The following PHACTR2 variants were observed in gnomAD, a reference collection of about 807,000 sequenced individuals.
PHACTR2 encodes the protein phosphatase and actin regulator 2.
PHACTR2 carries 30 observed loss-of-function variants against 76.0 expected under a neutral mutation model. The ratio of observed to expected loss-of-function variants is 0.39; its 90% CI spans 0.30 to 0.54. The LOEUF (loss-of-function observed/expected upper bound fraction) is 0.54, where lower values mean the gene tolerates loss of function less well. Ranked by LOEUF, PHACTR2 falls within the 20% of genes least tolerant of loss-of-function variation. The pLI, the probability that PHACTR2 is intolerant of heterozygous loss-of-function variation, is 0.61. For missense variants in PHACTR2, 696 were observed against 781.1 expected, an observed-to-expected ratio of 0.89 and a Z score of 1.30; for synonymous variants, 292 against 292.5, an observed-to-expected ratio of 1.00 and a Z score of 0.02.
At chr6:143,670,091 C>T (rs913720211) in intron 1 of PHACTR2, among the ~76,000 whole-genome samples, 2 of 152,090 alleles carry the variant, frequency 1.3e-5, no homozygotes, top group African/African-American at 2.4e-5. Flanking sequence ...GATTTTATTT[C>T]TCCTTTGCTT....
Position 143,757,490 on chromosome 6 carries a change from A to T in PHACTR2, c.455-2911A>T, listed in dbSNP as rs1033260983. On this transcript the variant is annotated intron_variant, in intron 4 of 12. Coordinates refer to ENST00000440869, the MANE Select transcript of PHACTR2 (RefSeq NM_001100164.2). This position sits in a 1 kb window ranked among gnomAD's most constrained non-coding sequence, Gnocchi z 4.2. ...GCATTCTAGGCAGGGTGAGGACCAC[A>T]TGCAGCCCCAGGCTTGTTCTAAGTA... 8.5e-5 allele frequency among the ~76,000 whole-genome samples: 13 copies of T among 152,308 alleles called. No individual in the cohort carries two copies. Among genetic ancestry groups the T allele is most frequent in the East Asian group, 3.9e-4 (2 of 5,174 alleles).
rs1401352134 is a variant in PHACTR2, at chr6:143,795,597, C to G, written c.1845+6687C>G. Among the ~76,000 whole-genome samples the G allele has an allele frequency of 6.6e-6, 1 of 152,120 alleles. No homozygotes were observed. On this transcript the variant is annotated intron_variant, in intron 11 of 12. Coordinates refer to ENST00000440869, the MANE Select transcript of PHACTR2 (RefSeq NM_001100164.2). This position sits in a 1 kb window ranked among gnomAD's most constrained non-coding sequence, Gnocchi z 4.8. Reference sequence around the variant, plus strand: ...GAAGGCCATTGAATTGGCCTGAAGACCTAGGCTTGCCTGCCAGTAACCATC... The same window carrying G: ...GAAGGCCATTGAATTGGCCTGAAGAGCTAGGCTTGCCTGCCAGTAACCATC...
rs898120064 is a variant in PHACTR2 at position 143,794,548 on chromosome 6, C to A, written c.1845+5638C>A. On this transcript the variant is annotated intron_variant, in intron 11 of 12. Transcript: ENST00000440869. This position sits in a 1 kb window ranked among gnomAD's most constrained non-coding sequence, Gnocchi z 4.1. ...GTGGCTCATGCCTGTAATCCAAGTG[C>A]TTTGAGAGGGTGAGTTGGGTGGATC... Among the ~76,000 whole-genome samples, 2 of 152,090 alleles carry A rather than the reference C, an allele frequency of 1.3e-5. No individual in the cohort carries two copies. The highest frequency in any genetic ancestry group is 4.8e-5 in the African/African-American group (2 of 41,406).
intron 1 of PHACTR2, among the ~76,000 whole-genome samples, chr6:143,631,513 T>G (rs1344896213): frequency 6.6e-6 from 1 of 152,174 alleles, no homozygotes; most frequent in Non-Finnish European, 1.5e-5. Flanking sequence ...TTTTTTAGCC[T>G]GCTTCCTGGC....
rs972231322 is a variant in PHACTR2, at chr6:143,624,001, C to G, written c.13+15679C>G. On this transcript the variant is annotated intron_variant, in intron 1 of 11. Coordinates refer to the PHACTR2 transcript ENST00000305766. This position sits in a 1 kb window ranked among gnomAD's most constrained non-coding sequence, Gnocchi z 4.6. ...GGGGTGAGTGATATGAAGACCCTGCCTCCCCACCCACTCCCCACCCTGCCC... is the reference window on the plus strand; with the variant it reads ...GGGGTGAGTGATATGAAGACCCTGCGTCCCCACCCACTCCCCACCCTGCCC... Among the ~76,000 whole-genome samples the G allele has an allele frequency of 6.6e-6, 1 of 152,156 alleles. No individual in the cohort carries two copies. The highest frequency in any genetic ancestry group is 1.5e-5 in the Non-Finnish European group (1 of 68,018).
chr6:143,692,570 C>T (rs1777670779), intron 1 of PHACTR2, among the ~76,000 whole-genome samples: 1 of 152,164 alleles, frequency 6.6e-6, no homozygotes, highest in Non-Finnish European at 1.5e-5. Flanking sequence ...GAACTGTACA[C>T]TTTTAAAAAA....
At position 143,671,229 on chromosome 6, in the gene PHACTR2, C is replaced by T. The variant is rs980998326; in HGVS notation, c.14-40787C>T. ...TACAGGTCTGAACCACTGCACCTGG[C>T]CCAAAGTCTTTATAGTTAACTGCAA... On this transcript the variant is annotated intron_variant, in intron 1 of 11. Transcript: ENST00000305766. This position sits in a 1 kb window ranked among gnomAD's most constrained non-coding sequence, Gnocchi z 4.6. Among the ~76,000 whole-genome samples the T allele has an allele frequency of 5.9e-5, 9 of 151,784 alleles. No individual in the cohort carries two copies. The highest frequency in any genetic ancestry group is 2.0e-4 in the Admixed American group (3 of 15,276).
rs1295707144 is a variant in PHACTR2, at chr6:143,787,606, C to T, written c.1708-1167C>T. On this transcript the variant is annotated intron_variant, in intron 10 of 12. Coordinates refer to ENST00000440869, the MANE Select transcript of PHACTR2 (RefSeq NM_001100164.2). The surrounding 1 kb of genome is among the most constrained non-coding windows in gnomAD (Gnocchi z 4.6). Reference sequence around the variant, plus strand: ...CTGTTAATGACTACAGAATGTAGACCCAGTGCAAAATAAGGAATATCTCTG... The same window carrying T: ...CTGTTAATGACTACAGAATGTAGACTCAGTGCAAAATAAGGAATATCTCTG... Among the ~76,000 whole-genome samples the T allele has an allele frequency of 1.3e-5, 2 of 152,016 alleles. No homozygotes were observed. The highest frequency in any genetic ancestry group is 2.9e-5 in the Non-Finnish European group (2 of 68,018).
rs1192476752 is a variant in PHACTR2 at position 143,767,738 on chromosome 6, G to A, written c.1232+1940G>A. On this transcript the variant is annotated intron_variant, in intron 6 of 12. Transcript: ENST00000440869. The surrounding 1 kb of genome is among the most constrained non-coding windows in gnomAD (Gnocchi z 4.4). ...ACCCCTGTGAGCCCTTTTGAAAATG[G>A]CATTAATCTATTCACGAGGGCAGAG... Among the ~76,000 whole-genome samples the A allele has an allele frequency of 6.6e-6, 1 of 152,144 alleles. No individual in the cohort carries two copies. Among genetic ancestry groups the A allele is most frequent in the African/African-American group, 2.4e-5 (1 of 41,436 alleles).
chr6:143,711,826 C>T, intron 1 of PHACTR2, 190 bp from the exon 2 acceptor site: 2 of 747,778 alleles, frequency 2.7e-6, no homozygotes, highest in Non-Finnish European at 2.5e-6. Flanking sequence ...TCTAAGTGGG[C>T]TGTAATTTCT....
In PHACTR2 at chr6:143,788,742, G is replaced by T; in HGVS notation, c.1708-31G>T. 3 of 1,589,426 alleles carry T rather than the reference G, an allele frequency of 1.9e-6. No homozygotes were observed. The South Asian group carries it at 3.4e-5, about 18-fold the overall frequency. The stretch of plus-strand genomic sequence containing the variant: ...ACCATGAGGCTGTAAGTGGTTTACT[G>T]AACTCTGCCTTTTTCCTTGTCCTCC... On this transcript the variant is annotated intron_variant, in intron 10 of 12. Coordinates refer to ENST00000440869, the MANE Select transcript of PHACTR2 (RefSeq NM_001100164.2).
rs764703736 is a variant in PHACTR2, at chr6:143,678,941, TAA to T, written c.46+745_46+746del. ...TGGCATTTCCCCGACAGTGTAGGGA[TAA>T]AAAAAAAAAAAACTGTTTGGTGGTG... On this transcript the variant is annotated intron_variant, in intron 1 of 12. Transcript: ENST00000440869. This position sits in a 1 kb window ranked among gnomAD's most constrained non-coding sequence, Gnocchi z 6.2. Among the ~76,000 whole-genome samples the T allele has an allele frequency of 2.2e-5, 3 of 134,378 alleles. No homozygotes were observed. The highest frequency in any genetic ancestry group is 7.4e-5 in the Admixed American group (1 of 13,456). 88.2% of individuals were successfully genotyped at this position (134,378 alleles called of 152,430 possible). A position where few individuals can be genotyped will look rare whatever the true frequency, so the allele number is the denominator to read the frequency against.
chr6:143,591,498 C>G lies in PHACTR2; in HGVS notation c.217+54291C>G, dbSNP rs771560944. 2.0e-5 allele frequency among the ~76,000 whole-genome samples: 3 copies of G among 152,164 alleles called. No individual in the cohort carries two copies. Among genetic ancestry groups the G allele is most frequent in the Non-Finnish European group, 2.9e-5 (2 of 68,028 alleles). On this transcript the variant is annotated intron_variant, in intron 1 of 11. Coordinates refer to the PHACTR2 transcript ENST00000367584. The surrounding 1 kb of genome is among the most constrained non-coding windows in gnomAD (Gnocchi z 6.4). ...TGAGACCAGGAGGGACTAAGGTGGT[C>G]CTTTCCCAGCCAGGGGTTATGTGTT...
chr6:143,679,210 C>G lies in PHACTR2; in HGVS notation c.46+1001C>G, dbSNP rs1777328088. ...TAGATAGCATTCTGTCATTCCAACC[C>G]CCCACCCCACTTTATACCCAGTGGG... On this transcript the variant is annotated intron_variant, in intron 1 of 12. Transcript: ENST00000440869. The surrounding 1 kb of genome is among the most constrained non-coding windows in gnomAD (Gnocchi z 4.6). 6.6e-6 allele frequency among the ~76,000 whole-genome samples: 1 copy of G among 152,120 alleles called. No individual in the cohort carries two copies. Among genetic ancestry groups the G allele is most frequent in the African/African-American group, 2.4e-5 (1 of 41,422 alleles).
chr6:143,732,873 C>A (rs774916898), intron 2 of PHACTR2, among the ~76,000 whole-genome samples: 2 of 151,984 alleles, frequency 1.3e-5, no homozygotes, highest in Admixed American at 6.6e-5. Flanking sequence ...TTTGATTACT[C>A]CTTGTCTTTT....
Position 143,777,503 on chromosome 6 carries a change from A to AT in PHACTR2, c.1645+120_1645+121insT. The AT allele has an allele frequency of 2.2e-6, 1 of 457,848 alleles. No homozygotes were observed. The highest frequency in any genetic ancestry group is 3.9e-6 in the Non-Finnish European group (1 of 259,358). 28.4% of individuals were successfully genotyped at this position (457,848 alleles called of 1,614,324 possible). On this transcript the variant is annotated intron_variant, in intron 9 of 12. Transcript: ENST00000440869. The surrounding 1 kb of genome is among the most constrained non-coding windows in gnomAD (Gnocchi z 4.6). ...TCATTTACTCAAGATGGACTGAAAT[A>AT]GTCCATTTATGTCACATTTATATGT...
At chr6:143,796,379 TTTTCTTTCTTTCTTTCTTTC>T (rs147314577) in intron 11 of PHACTR2, among the ~76,000 whole-genome samples, 27 of 148,830 alleles carry the variant, frequency 1.8e-4, no homozygotes, top group Admixed American at 6.7e-4. Context: ...TTTCTTTTTC[TTTTCTTTCTTTCTTTCTTTC>T]TTTCTTTCTT....
Position 143,688,355 on chromosome 6 carries a change from G to T in PHACTR2, c.46+10146G>T, listed in dbSNP as rs890310331. Among the ~76,000 whole-genome samples, 1 of 152,128 alleles carries T rather than the reference G, an allele frequency of 6.6e-6. No individual in the cohort carries two copies. Among genetic ancestry groups the T allele is most frequent in the Non-Finnish European group, 1.5e-5 (1 of 68,018 alleles). On this transcript the variant is annotated intron_variant, in intron 1 of 12. Coordinates refer to ENST00000440869, the MANE Select transcript of PHACTR2 (RefSeq NM_001100164.2). The surrounding 1 kb of genome is among the most constrained non-coding windows in gnomAD (Gnocchi z 5.2). ...TGATCTGGGGTGAGGGGTGGGTAGA[G>T]AAATGGGAGTAGGGTCTCACCCAAC...
In PHACTR2 at chr6:143,541,974, C is replaced by T. The variant is rs1412083568; in HGVS notation, c.217+4767C>T. On this transcript the variant is annotated intron_variant, in intron 1 of 11. Transcript: ENST00000367584. The surrounding 1 kb of genome is among the most constrained non-coding windows in gnomAD (Gnocchi z 5.3). ...CGAGCTAAGCTGGAGGTGCCCTAGG[C>T]CAGGAACAATGAACACCTGCTCACT... 3.3e-5 allele frequency among the ~76,000 whole-genome samples: 5 copies of T among 152,198 alleles called. No homozygotes were observed. Among genetic ancestry groups the T allele is most frequent in the Admixed American group, 1.3e-4 (2 of 15,284 alleles).
Sources: gnomAD v4.1 joint callset for allele counts (sites outside exome capture counted in the v4.1 genomes callset) on GRCh38, gnomAD v4.1.1 for gene constraint, Gnocchi (gnomAD v3.1) non-coding constraint, MANE v1.5 for transcripts, NCBI Gene and HGNC (gene_info 2026-07-23, HGNC 2026-07-21) for gene names.